FAM184A: variants seen among roughly 807,000 people sequenced by gnomAD.
FAM184A encodes family with sequence similarity 184 member A, also known as protein FAM184A.
A neutral mutation model predicts 143.8 loss-of-function variants in FAM184A; 99 were observed. That is an observed-to-expected ratio of 0.69 (90% CI 0.58 to 0.81). FAM184A has a LOEUF of 0.81. Ranked by LOEUF, FAM184A falls within the 40% of genes least tolerant of loss-of-function variation. The pLI, the probability that FAM184A is intolerant of heterozygous loss-of-function variation, is 0.00. For missense variants in FAM184A, 1,217 were observed against 1,310.5 expected, an observed-to-expected ratio of 0.93 and a Z score of 1.10; for synonymous variants, 427 against 446.4, an observed-to-expected ratio of 0.96 and a Z score of 0.55.
At chr6:118,990,176 A>T (rs1374624231) in intron 9 of FAM184A, among the ~76,000 whole-genome samples, 1 of 152,236 alleles carries the variant, frequency 6.6e-6, no homozygotes, top group Non-Finnish European at 1.5e-5. Flanking sequence ...AAGTTAAACT[A>T]AAATTTATAC....
At chr6:119,088,416 G>T (rs1413212696) in intron 1 of FAM184A, among the ~76,000 whole-genome samples, 1 of 152,136 alleles carries the variant, frequency 6.6e-6, no homozygotes, top group Non-Finnish European at 1.5e-5. Flanking sequence ...TCCTATCCAA[G>T]GTCATGGTTA....
intron 1 of FAM184A, among the ~76,000 whole-genome samples, chr6:119,134,252 A>G (rs1789605474): frequency 6.6e-6 from 1 of 152,176 alleles, no homozygotes; most frequent in Non-Finnish European, 1.5e-5. Context: ...AGGGGAATAC[A>G]AATAGTCTAT....
intron 1 of FAM184A, among the ~76,000 whole-genome samples, chr6:119,107,792 A>AAAAAAAAAAAAG (rs763545394): frequency 7.3e-6 from 1 of 136,456 alleles, no homozygotes; most frequent in African/African-American, 2.7e-5. Flanking sequence ...AAAAAAAAAA[A>AAAAAAAAAAAAG]AAAGAAAGAA....
At chr6:119,040,321 C>G (rs1193688418) in intron 1 of FAM184A, among the ~76,000 whole-genome samples, 2 of 152,180 alleles carry the variant, frequency 1.3e-5, no homozygotes, top group Non-Finnish European at 2.9e-5. Flanking sequence ...GACTTGGATA[C>G]CTTCCTAGTG....
chr6:119,052,279 C>T (rs2114749277), intron 1 of FAM184A, among the ~76,000 whole-genome samples: 1 of 152,276 alleles, frequency 6.6e-6, no homozygotes, highest in African/African-American at 2.4e-5. Flanking sequence ...TGAAAAGATA[C>T]AAATATGTTA....
intron 1 of FAM184A, among the ~76,000 whole-genome samples, chr6:119,067,548 T>C (rs1051847093): frequency 3.9e-5 from 6 of 152,348 alleles, no homozygotes; most frequent in Middle Eastern, 3.4e-3. Flanking sequence ...TGAGTTATAG[T>C]GATATTTGGC....
intron 1 of FAM184A, among the ~76,000 whole-genome samples, chr6:119,104,771 G>A (rs192015586): frequency 1.2e-3 from 175 of 152,142 alleles, no homozygotes; most frequent in Non-Finnish European, 2.0e-3. Flanking sequence ...CCTATAAAAC[G>A]CGCGAAAAAC....
At chr6:119,050,529 G>A (rs1225727075) in intron 1 of FAM184A, among the ~76,000 whole-genome samples, 3 of 151,802 alleles carry the variant, frequency 2.0e-5, no homozygotes, top group Middle Eastern at 3.4e-3. Context: ...ATCATAGGCC[G>A]GGCGCGGTGG....
chr6:118,985,682 G>A (rs1364408753), intron 9 of FAM184A, among the ~76,000 whole-genome samples: 1 of 152,100 alleles, frequency 6.6e-6, no homozygotes, highest in Non-Finnish European at 1.5e-5. Context: ...GGAAATCCCT[G>A]GAAGGTAAGC....
chr6:119,133,756 T>A (rs1283522761), intron 1 of FAM184A, among the ~76,000 whole-genome samples: 1 of 152,080 alleles, frequency 6.6e-6, no homozygotes, highest in Non-Finnish European at 1.5e-5. Context: ...CATCACAGTG[T>A]CTCTCAGTGT....
chr6:119,148,232 G>C (rs889488649), intron 1 of FAM184A, among the ~76,000 whole-genome samples: 1 of 152,158 alleles, frequency 6.6e-6, no homozygotes, highest in African/African-American at 2.4e-5. Flanking sequence ...GGCAGGGCTT[G>C]GCTGGACTTC....
At chr6:119,001,199 G>A (rs1297086716) in intron 9 of FAM184A, among the ~76,000 whole-genome samples, 1 of 149,592 alleles carries the variant, frequency 6.7e-6, no homozygotes, top group African/African-American at 2.5e-5. Context: ...ATCTTTTTGT[G>A]CACTTGTTTT....
rs965479305 is a variant in FAM184A at position 119,078,381 on chromosome 6, G to C, written c.-82C>G. ...GAGCAACGACGCCCGGGAGGCAAGA[G>C]TCGCGGCGGCCGCTTCCCGACCCGA... On this transcript the variant is annotated 5_prime_UTR_variant, in exon 1 of 18. Transcript: ENST00000338891. The surrounding 1 kb of genome is among the most constrained non-coding windows in gnomAD (Gnocchi z 5.5). 6.8e-6 allele frequency: 9 copies of C among 1,325,116 alleles called. No homozygotes were observed. Among genetic ancestry groups the C allele is most frequent in the Non-Finnish European group, 8.7e-6 (9 of 1,029,632 alleles). The allele number at this position is 1,325,116 out of a possible 1,614,324, so 82.1% of individuals were successfully genotyped here. A position where few individuals can be genotyped will look rare whatever the true frequency, so the allele number is the denominator to read the frequency against.
At chr6:119,045,529 AGT>A (rs1307871953) in intron 1 of FAM184A, among the ~76,000 whole-genome samples, 1 of 152,216 alleles carries the variant, frequency 6.6e-6, no homozygotes, top group East Asian at 1.9e-4. Context: ...ACCTTGGAGC[AGT>A]GACTTAACAG....
intron 1 of FAM184A, among the ~76,000 whole-genome samples, chr6:119,075,784 A>C (rs566021487): frequency 5.9e-5 from 9 of 152,286 alleles, no homozygotes; most frequent in East Asian, 1.9e-4. Context: ...CTCTCTCTCT[A>C]TGTTTATATA....
At chr6:119,026,291 T>C (rs1270201770) in intron 1 of FAM184A, among the ~76,000 whole-genome samples, 4 of 152,148 alleles carry the variant, frequency 2.6e-5, no homozygotes, top group Non-Finnish European at 4.4e-5. Context: ...CCAAATTATG[T>C]TCCCAATAAG....
Position 119,096,662 on chromosome 6 carries a change from A to G in FAM184A, c.-202+52416T>C, listed in dbSNP as rs1237480110. Among the ~76,000 whole-genome samples the G allele has an allele frequency of 1.7e-4, 26 of 151,290 alleles. 8 individuals are homozygous for G. The highest frequency in any genetic ancestry group is 2.9e-4 in the Non-Finnish European group (20 of 67,864). ...CATCTCAAAAAAAAAAAAAAAAAAA[A>G]AAAAAGAAAGAAAGAAAAGGTTAAT... is the stretch of plus-strand genomic sequence containing the variant. On this transcript the variant is annotated intron_variant, in intron 1 of 16. Coordinates refer to the FAM184A transcript ENST00000352896.
At position 119,102,111 on chromosome 6, in the gene FAM184A, T is replaced by C. The variant is rs189298580; in HGVS notation, c.-202+46967A>G. Among the ~76,000 whole-genome samples the C allele has an allele frequency of 1.6e-3, 238 of 152,098 alleles. 2 individuals carry two copies. The highest frequency in any genetic ancestry group is 5.5e-3 in the African/African-American group (227 of 41,512). ...TATAAATGCATCATAAATAGAGTAA[T>C]GCTAGGAAGAAACTGAATAATATTC... On this transcript the variant is annotated intron_variant, in intron 1 of 16. Coordinates refer to the FAM184A transcript ENST00000352896.
intron 1 of FAM184A, among the ~76,000 whole-genome samples, chr6:119,136,557 G>T (rs1307221144): frequency 1.3e-5 from 2 of 152,174 alleles, no homozygotes; most frequent in Non-Finnish European, 2.9e-5. Context: ...AACTAGAAAA[G>T]ATTTTTTGGA....
Sources: gnomAD v4.1 joint callset for allele counts (sites outside exome capture counted in the v4.1 genomes callset) on GRCh38, gnomAD v4.1.1 for gene constraint, Gnocchi (gnomAD v3.1) non-coding constraint, MANE v1.5 for transcripts, NCBI Gene and HGNC (gene_info 2026-07-23, HGNC 2026-07-21) for gene names.